Variants in ALPK3 observed in about 807,000 individuals in gnomAD.
The protein encoded by ALPK3 is alpha-protein kinase 3.
ALPK3 carries 102 observed loss-of-function variants against 140.0 expected under a neutral mutation model. The observed-to-expected ratio is 0.73, with a 90% confidence interval of 0.62 to 0.86. The LOEUF is 0.86. Ranked by LOEUF, ALPK3 falls within the 40% of genes least tolerant of loss-of-function variation. The pLI is 0.00. For missense variants in ALPK3, 2,254 were observed against 2,208.2 expected (o/e 1.02, Z -0.42); for synonymous variants, 938 against 898.5 (o/e 1.04, Z -0.79).
chr15:84,839,865 A>G lies in ALPK3; in HGVS notation c.586A>G (p.Ile196Val), dbSNP rs1963637208. 1 of 1,614,052 alleles carries G rather than the reference A, an allele frequency of 6.2e-7. No homozygotes were observed. The highest frequency in any genetic ancestry group is 1.3e-5 in the African/African-American group (1 of 75,036). ...KRKAAAKLRE[I>V]EQSWKHEKAV... ...CAAGGCTGCGGCAAAGCTGCGCGAG[A>G]TCGAGCAGAGCTGGAAGCACGAGAA... The change falls in exon 5 of 14, where the codon ATC becomes GTC. Residue 196 changes from isoleucine to valine, a missense_variant. Transcript: ENST00000258888.
At chr15:84,819,325 G>T (rs1963397832) in intron 1 of ALPK3, among the ~76,000 whole-genome samples, 1 of 152,236 alleles carries the variant, frequency 6.6e-6, no homozygotes, top group Non-Finnish European at 1.5e-5. Flanking sequence ...AGGACAGCAG[G>T]AGTGGGAGAA....
intron 5 of ALPK3, among the ~76,000 whole-genome samples, chr15:84,843,816 C>T (rs1012887688): frequency 2.0e-5 from 3 of 152,116 alleles, no homozygotes; most frequent in Non-Finnish European, 2.9e-5. Context: ...CACAGGTTGC[C>T]GGGCACAGTG....
At chr15:84,850,066 C>T (rs1008931767) in intron 5 of ALPK3, among the ~76,000 whole-genome samples, 1 of 125,880 alleles carries the variant, frequency 7.9e-6, no homozygotes, top group African/African-American at 3.1e-5. Flanking sequence ...CACTACAGAC[C>T]CTGTAAGGAT....
intron 5 of ALPK3, among the ~76,000 whole-genome samples, chr15:84,849,313 T>C (rs1963773292): frequency 6.6e-6 from 1 of 152,156 alleles, no homozygotes. Context: ...ACAATAATTA[T>C]AGTTGGAGAC....
Position 84,859,345 on chromosome 15 carries a change from T to C in ALPK3, c.3920T>C (p.Leu1307Ser), listed in dbSNP as rs758794275. 6.2e-7 allele frequency: 1 copy of C among 1,614,138 alleles called. No homozygotes were observed. The highest frequency in any genetic ancestry group is 1.7e-5 in the Admixed American group (1 of 60,018). ...TTCAACATTCTTAGTGACTCAGTCT[T>C]GACATGGGCCAAGGATCAGCGCCCA... ...QFFNILSDSV[L>S]TWAKDQRPVG... Residue 1307 changes from leucine to serine, a missense_variant, in exon 7 of 14, where the codon TTG becomes TCG. Leu to Ser is a moderately radical substitution (Grantham distance 145, BLOSUM62 -2). Around this residue, in one of 3 missense-constraint regions of ALPK3, gnomAD observed 2,088 missense variants for 2,022.9 expected, o/e 1.03. Coordinates refer to ENST00000258888, the MANE Select transcript of ALPK3 (RefSeq NM_020778.5).
intron 3 of ALPK3, among the ~76,000 whole-genome samples, chr15:84,838,713 G>A (rs1963622512): frequency 1.3e-5 from 2 of 151,610 alleles, no homozygotes; most frequent in Admixed American, 6.6e-5. Context: ...TCGGACTCCT[G>A]GGTTCAAGCG....
chr15:84,845,750 C>T (rs904850813), intron 5 of ALPK3, among the ~76,000 whole-genome samples: 1 of 152,220 alleles, frequency 6.6e-6, no homozygotes, highest in African/African-American at 2.4e-5. Context: ...GTGGCACACA[C>T]ACAGGGCAGA....
At chr15:84,864,696 A>C (rs759031610) in intron 12 of ALPK3, 31 bp downstream of exon 12, 1 of 1,591,998 alleles carries the variant, frequency 6.3e-7, no homozygotes, top group South Asian at 1.1e-5. Flanking sequence ...ACGGGTACGC[A>C]TGTGCATGGA....
chr15:84,852,090 A>G (rs1418366628), intron 5 of ALPK3, among the ~76,000 whole-genome samples: 1 of 152,204 alleles, frequency 6.6e-6, no homozygotes, highest in African/African-American at 2.4e-5. Flanking sequence ...TGTCCTATAC[A>G]TACACACCTA....
rs114207635 is a variant in ALPK3 at position 84,840,801 on chromosome 15, T to C, written c.1522T>C (p.Cys508Arg). The C allele has an allele frequency of 1.2e-6, 2 of 1,614,180 alleles. No homozygotes were observed. Among genetic ancestry groups the C allele is most frequent in the South Asian group, 1.1e-5 (1 of 91,084 alleles). Reference protein sequence around the residue: ...PISSLSQAPECGAQSLGKAPP... With the variant: ...PISSLSQAPERGAQSLGKAPP... The stretch of plus-strand genomic sequence containing the variant: ...TTCTTCTCTGAGTCAAGCTCCAGAA[T>C]GCGGGGCCCAGAGCTTAGGAAAGGC... Residue 508 changes from cysteine (C) to arginine (R), a missense_variant, in exon 5 of 14, where the codon TGC (cysteine) becomes CGC (arginine). Around this residue, in one of 3 missense-constraint regions of ALPK3, gnomAD observed 2,088 missense variants for 2,022.9 expected, o/e 1.03. Transcript: ENST00000258888.
chr15:84,861,436 C>T (rs1963944730), intron 9 of ALPK3, among the ~76,000 whole-genome samples: 1 of 152,154 alleles, frequency 6.6e-6, no homozygotes. Flanking sequence ...TCTGGAGGCA[C>T]ATACTGTCAG....
At position 84,858,563 on chromosome 15, in the gene ALPK3, G is replaced by C. The variant is rs1181892002; in HGVS notation, c.3817+8G>C. ...CCAAAGACCTGCTGAAAGGTGAGCAGTGGGGAGGGAGAGGGATGGCTTCAC... is the reference window on the plus strand; with the variant it reads ...CCAAAGACCTGCTGAAAGGTGAGCACTGGGGAGGGAGAGGGATGGCTTCAC... On this transcript the variant is annotated splice_region_variant and intron_variant, in intron 6 of 13. Transcript: ENST00000258888. 6.4e-6 allele frequency: 10 copies of C among 1,571,352 alleles called. No homozygotes were observed. The highest frequency in any genetic ancestry group is 1.3e-5 in the African/African-American group (1 of 74,214).
rs1435656130 is a variant in ALPK3 at position 84,870,741 on chromosome 15, TG to T, written c.*2287del. 6.6e-6 allele frequency: 1 copy of T among 152,202 alleles called. No individual in the cohort carries two copies. Among genetic ancestry groups the T allele is most frequent in the Non-Finnish European group, 1.5e-5 (1 of 68,044 alleles). The allele number at this position is 152,202 out of a possible 1,614,324, so 9.4% of individuals were successfully genotyped here. A position where few individuals can be genotyped will look rare whatever the true frequency, so the allele number is the denominator to read the frequency against. Reference sequence around the variant, plus strand: ...AAATTCCAAGTGAAAGAACCTGGCCTGGAGCTCAGGGCTTCATAGAGTGGGA... The same window carrying T: ...AAATTCCAAGTGAAAGAACCTGGCCTGAGCTCAGGGCTTCATAGAGTGGGA... On this transcript the variant is annotated 3_prime_UTR_variant, in exon 14 of 14. Transcript: ENST00000258888.
At chr15:84,839,198 G>A (rs987999268) in intron 4 of ALPK3, 101 bp downstream of exon 4, 20 of 978,864 alleles carry the variant, frequency 2.0e-5, no homozygotes, top group African/African-American at 6.5e-5. Context: ...AGATGCCCAG[G>A]CACTCTCTGG....
intron 1 of ALPK3, among the ~76,000 whole-genome samples, chr15:84,819,592 AG>A (rs969487789): frequency 3.3e-5 from 5 of 152,210 alleles, no homozygotes; most frequent in Non-Finnish European, 7.3e-5. Context: ...CCCTCAGAAC[AG>A]CCTCACTGCC....
In ALPK3 at chr15:84,839,925, C is replaced by G. The variant is rs772245275; in HGVS notation, c.646C>G (p.Leu216Val). ...TGGGGAGGTCGACACTCTGCGCAAG[C>G]TCAGCCCCGACCGCTTCCAGCGAAA... Reference protein sequence around the residue: ...VPGEVDTLRKLSPDRFQRKRR... With the variant: ...VPGEVDTLRKVSPDRFQRKRR... The change falls in exon 5 of 14, where the codon CTC becomes GTC. Residue 216 changes from leucine (L) to valine (V), a missense_variant. Leu to Val is a conservative substitution (Grantham distance 32). Coordinates refer to ENST00000258888, the MANE Select transcript of ALPK3 (RefSeq NM_020778.5). 3.7e-6 allele frequency: 6 copies of G among 1,613,898 alleles called. No individual in the cohort carries two copies. In the East Asian group the frequency reaches 1.3e-4, roughly 36 times the overall value.
chr15:84,863,246 G>T (rs1963968925), intron 10 of ALPK3, among the ~76,000 whole-genome samples: 1 of 152,126 alleles, frequency 6.6e-6, no homozygotes, highest in Non-Finnish European at 1.5e-5. Context: ...GGTGGGGTGG[G>T]CAGTCTTCCT....
chr15:84,858,277 C>A lies in ALPK3; in HGVS notation c.3539C>A (p.Ala1180Glu). 2 of 1,589,846 alleles carry A rather than the reference C, an allele frequency of 1.3e-6. No individual in the cohort carries two copies. Among genetic ancestry groups the A allele is most frequent in the Admixed American group, 1.8e-5 (1 of 56,366 alleles). Residue 1180 changes from alanine to glutamate, a missense_variant, in exon 6 of 14, where the codon GCA becomes GAA. This residue lies in a region of ALPK3 where 2,088 missense variants were observed against 2,022.9 expected (regional missense o/e 1.03). Coordinates refer to ENST00000258888, the MANE Select transcript of ALPK3 (RefSeq NM_020778.5). ...PKVRAAGDGE[A>E]TTPEERESPT... ...GTCAGAGCAGCAGGAGACGGGGAGG[C>A]AACCACACCTGAAGAAAGGGAGAGC...
chr15:84,852,031 C>T (rs1209305213), intron 5 of ALPK3, among the ~76,000 whole-genome samples: 2 of 152,168 alleles, frequency 1.3e-5, no homozygotes, highest in Non-Finnish European at 2.9e-5. Flanking sequence ...AGATCCCCAG[C>T]GGATGCCTGA....
Sources: gnomAD v4.1 joint callset for allele counts (sites outside exome capture counted in the v4.1 genomes callset) on GRCh38, gnomAD v4.1.1 for gene constraint, gnomAD v4.1.1 regional missense constraint, MANE v1.5 for transcripts, NCBI Gene and HGNC (gene_info 2026-07-23, HGNC 2026-07-21) for gene names.